The following PHYKPL variants were observed in gnomAD, a reference collection of about 807,000 sequenced individuals.
The protein encoded by PHYKPL is 5-phosphohydroxy-L-lysine phospho-lyase, also known as 5-phosphonooxy-L-lysine phospho-lyase.
A neutral mutation model predicts 51.3 loss-of-function variants in PHYKPL; 42 were observed. The ratio of observed to expected loss-of-function variants is 0.82; its 90% CI spans 0.64 to 1.06. PHYKPL has a LOEUF of 1.06. Ranked by LOEUF, PHYKPL falls within the 50% of genes least tolerant of loss-of-function variation. The pLI is 0.00. For missense variants in PHYKPL, 655 were observed against 586.6 expected, an observed-to-expected ratio of 1.12 and a Z score of -1.20; for synonymous variants, 264 against 236.0, an observed-to-expected ratio of 1.12 and a Z score of -1.09.
intron 8 of PHYKPL, among the ~76,000 whole-genome samples, chr5:178,217,743 A>G (rs1760139379): frequency 6.6e-6 from 1 of 151,288 alleles, no homozygotes. Context: ...CTGTAATCAC[A>G]GCTACTCGGG....
At position 178,210,314 on chromosome 5, in the gene PHYKPL, C is replaced by G. The variant is rs1167383218; in HGVS notation, c.*32-1399G>C. Reference sequence around the variant, plus strand: ...GAGGCCCCATCCGCTCACCCCTCGTCCCCAGGGGAGGCAGGACAGTGTAGG... The same window carrying G: ...GAGGCCCCATCCGCTCACCCCTCGTGCCCAGGGGAGGCAGGACAGTGTAGG... On this transcript the variant is annotated intron_variant, in intron 12 of 12. Coordinates refer to ENST00000308158, the MANE Select transcript of PHYKPL (RefSeq NM_153373.4). 12 of 1,613,132 alleles carry G rather than the reference C, an allele frequency of 7.4e-6. No homozygotes were observed. The Admixed American group carries it at 2.0e-4, about 27-fold the overall frequency.
At position 178,224,703 on chromosome 5, in the gene PHYKPL, A is replaced by G; in HGVS notation, c.440T>C (p.Leu147Pro). Reference protein sequence around the residue: ...DHAYHGHLSSLIDISPYKFRN... With the variant: ...DHAYHGHLSSPIDISPYKFRN... ...GAACTTGTAGGGACTGATGTCAATC[A>G]GGGAGCTCAGGTGGCCGTGATACGC... The change falls in exon 5 of 13, where the codon CTG (leucine) becomes CCG (proline). Residue 147 changes from leucine to proline, a missense_variant. Transcript: ENST00000308158. The G allele has an allele frequency of 3.1e-6, 5 of 1,614,132 alleles. No individual in the cohort carries two copies. Among genetic ancestry groups the G allele is most frequent in the Non-Finnish European group, 4.2e-6 (5 of 1,179,992 alleles).
At chr5:178,221,755 C>T (rs575701531) in intron 8 of PHYKPL, among the ~76,000 whole-genome samples, 1 of 152,234 alleles carries the variant, frequency 6.6e-6, no homozygotes, top group Non-Finnish European at 1.5e-5. Context: ...CACTGAGCAC[C>T]AGAGATCTTT....
intron 2 of PHYKPL, 117 bp downstream of exon 2, chr5:178,231,288 A>G (rs1164745809): frequency 2.6e-6 from 4 of 1,517,204 alleles, no homozygotes; most frequent in Non-Finnish European, 3.6e-6. Flanking sequence ...GCATACTGAC[A>G]GTGCCTCAAC....
At chr5:178,221,345 T>C (rs1761135586) in intron 8 of PHYKPL, among the ~76,000 whole-genome samples, 8 of 152,100 alleles carry the variant, frequency 5.3e-5, no homozygotes, top group Admixed American at 4.6e-4. Flanking sequence ...AAGCCTCTAC[T>C]GCTTGTCCCA....
At chr5:178,225,159 G>C in intron 4 of PHYKPL, 196 bp downstream of exon 4, 2 of 625,898 alleles carry the variant, frequency 3.2e-6, no homozygotes, top group Admixed American at 5.9e-5. Context: ...CCCCAGAGCT[G>C]CCTTCCCAGA....
chr5:178,230,359 C>CT (rs34227825), intron 2 of PHYKPL: 9,694 of 318,378 alleles, frequency 0.03, 26 homozygotes, highest in South Asian at 0.04. Context: ...TTAAGGAGGA[C>CT]TTTTTTTTTT....
At chr5:178,231,737 G>C (rs747998906) in intron 1 of PHYKPL, 2 of 1,523,636 alleles carry the variant, frequency 1.3e-6, no homozygotes, top group South Asian at 2.4e-5. Context: ...CTGAAACTTC[G>C]GATTGTTTCT....
chr5:178,212,882 T>TTG (rs1758900331), intron 11 of PHYKPL, 91 bp downstream of exon 11: 1 of 1,541,446 alleles, frequency 6.5e-7, no homozygotes, highest in East Asian at 2.3e-5. Flanking sequence ...TCTTGGACTC[T>TTG]TGTCCCCTCC....
At chr5:178,222,082 G>A (rs1761275757) in intron 8 of PHYKPL, among the ~76,000 whole-genome samples, 2 of 152,280 alleles carry the variant, frequency 1.3e-5, no homozygotes, top group African/African-American at 2.4e-5. Flanking sequence ...GCACAGAATG[G>A]GTGGCATCTG....
At chr5:178,207,356 A>G (rs1404989534), downstream of PHYKPL, 2 of 1,069,378 alleles carry the variant, frequency 1.9e-6, no homozygotes, top group East Asian at 2.4e-5. Flanking sequence ...TCTGAAGCGT[A>G]TGCTGCCCTG....
At chr5:178,212,933 G>T in intron 11 of PHYKPL, 40 bp downstream of exon 11, 1 of 1,608,052 alleles carries the variant, frequency 6.2e-7, no homozygotes, top group South Asian at 1.1e-5. Flanking sequence ...GCTTCAGGCT[G>T]AGTTCTAGAG....
At position 178,217,774 on chromosome 5, in the gene PHYKPL, C is replaced by T. The variant is rs555624997; in HGVS notation, c.928-2344G>A. Among the ~76,000 whole-genome samples the T allele has an allele frequency of 2.1e-3, 308 of 149,924 alleles. 1 individual carries two copies. Among genetic ancestry groups the T allele is most frequent in the Non-Finnish European group, 2.2e-3 (146 of 67,674 alleles). On this transcript the variant is annotated intron_variant, in intron 8 of 12. Transcript: ENST00000308158. ...TCGGGAGGCTGAGGCAGGAGAATGG[C>T]GTGAACCCGGGAGGCAGAGCTTGCA...
In PHYKPL at chr5:178,225,437, C is replaced by A; in HGVS notation, c.339-8G>T. The stretch of plus-strand genomic sequence containing the variant: ...AGGTCATTGGCTTCTGACCTATGAC[C>A]GAAAAGGTGGGCATGACTGAGAGAG... On this transcript the variant is annotated splice_polypyrimidine_tract_variant and splice_region_variant and intron_variant, in intron 3 of 12. Transcript: ENST00000308158. 1 of 1,614,054 alleles carries A rather than the reference C, an allele frequency of 6.2e-7. No homozygotes were observed. The highest frequency in any genetic ancestry group is 8.5e-7 in the Non-Finnish European group (1 of 1,180,018).
chr5:178,213,136 T>G (rs998594327), intron 10 of PHYKPL, 33 bp from the exon 11 acceptor site: 3 of 1,610,354 alleles, frequency 1.9e-6, no homozygotes, highest in Non-Finnish European at 2.5e-6. Context: ...CACATGGCCT[T>G]CAAGGCCTTC....
rs7719034 is a variant in PHYKPL, at chr5:178,212,941, G to C, written c.1303+32C>G. 13,487 of 1,612,158 alleles carry C rather than the reference G, an allele frequency of 8.4e-3. 637 individuals carry two copies. The African/African-American group carries it at 0.12, about 14-fold the overall frequency. ...GTTGCTGGCTTCAGGCTGAGTTCTA[G>C]AGATATGGCCAAGCTCAGGCTTCAA... On this transcript the variant is annotated intron_variant, in intron 11 of 12. Transcript: ENST00000308158.
At chr5:178,220,334 A>G (rs1437318804) in intron 8 of PHYKPL, among the ~76,000 whole-genome samples, 2 of 152,040 alleles carry the variant, frequency 1.3e-5, no homozygotes, top group African/African-American at 4.8e-5. Context: ...CCCCATCTCT[A>G]CTAAAAATAC....
At chr5:178,222,304 G>C (rs763473941) in intron 8 of PHYKPL, 51 bp downstream of exon 8, 2 of 1,493,178 alleles carry the variant, frequency 1.3e-6, no homozygotes, top group African/African-American at 2.8e-5. Context: ...GCTGATCACC[G>C]GGGGCCTATC....
intron 3 of PHYKPL, among the ~76,000 whole-genome samples, chr5:178,226,852 G>T (rs1333908973): frequency 2.0e-5 from 3 of 152,150 alleles, no homozygotes; most frequent in Non-Finnish European, 4.4e-5. Flanking sequence ...AGGGCTGTGG[G>T]AGTTATGAGC....
Sources: gnomAD v4.1 joint callset for allele counts (sites outside exome capture counted in the v4.1 genomes callset) on GRCh38, gnomAD v4.1.1 for gene constraint, MANE v1.5 for transcripts, NCBI Gene and HGNC (gene_info 2026-07-23, HGNC 2026-07-21) for gene names.